The following ATF7IP variants were observed in gnomAD, a reference collection of about 807,000 sequenced individuals.
ATF7IP encodes the protein activating transcription factor 7 interacting protein.
ATF7IP carries 23 observed loss-of-function variants against 106.4 expected under a neutral mutation model. The ratio of observed to expected loss-of-function variants is 0.22; its 90% CI spans 0.16 to 0.31. ATF7IP has a LOEUF of 0.31. Among genes scored for constraint, ATF7IP ranks in the 10% least tolerant of loss-of-function variants. ATF7IP has a pLI of 1.00. For synonymous variants in ATF7IP, 542 were observed against 539.0 expected (o/e 1.01, Z -0.08); for missense variants, 1,334 against 1,524.3 (o/e 0.88, Z 2.08).
At chr12:14,496,425 T>A (rs2136880083) in intron 14 of ATF7IP, 82 bp downstream of exon 14, 1 of 891,332 alleles carries the variant, frequency 1.1e-6, no homozygotes, top group South Asian at 1.6e-5. Flanking sequence ...TTCTTTAAAA[T>A]GGTTATATCC....
chr12:14,392,224 C>CT (rs201384325), intron 1 of ATF7IP, among the ~76,000 whole-genome samples: 16,728 of 147,950 alleles, frequency 0.11, 1,202 homozygotes, highest in African/African-American at 0.22. Context: ...TAGCACAGAT[C>CT]TTTTTTTTTT....
chr12:14,389,677 G>A (rs1028571596), intron 1 of ATF7IP, among the ~76,000 whole-genome samples: 6 of 152,054 alleles, frequency 3.9e-5, no homozygotes, highest in Non-Finnish European at 7.4e-5. Context: ...GCCTAGGCTG[G>A]AGTGCAATGG....
chr12:14,414,001 C>T (rs1177263800), intron 1 of ATF7IP, among the ~76,000 whole-genome samples: 2 of 152,090 alleles, frequency 1.3e-5, no homozygotes, highest in Non-Finnish European at 2.9e-5. Flanking sequence ...AGCATCTGCC[C>T]TAACTTCTTC....
chr12:14,488,559 A>G (rs1944703265), intron 13 of ATF7IP, among the ~76,000 whole-genome samples: 2 of 152,134 alleles, frequency 1.3e-5, no homozygotes, highest in Non-Finnish European at 2.9e-5. Flanking sequence ...TCAAATGTTA[A>G]TCTCTTTTGG....
chr12:14,423,882 A>G lies in ATF7IP; in HGVS notation c.-7-27A>G, dbSNP rs779342731. 3.9e-6 allele frequency: 6 copies of G among 1,541,674 alleles called. No individual in the cohort carries two copies. The South Asian group carries it at 7.8e-5, about 20-fold the overall frequency. On this transcript the variant is annotated intron_variant, in intron 1 of 14. Transcript: ENST00000261168. Reference sequence around the variant, plus strand: ...TTAGGTGGCTTCTGTTTCAGTTATTAAACTCTCTTTCTCTTTTTTCTTAAA... The same window carrying G: ...TTAGGTGGCTTCTGTTTCAGTTATTGAACTCTCTTTCTCTTTTTTCTTAAA...
chr12:14,366,956 A>G (rs1266149137), intron 1 of ATF7IP, among the ~76,000 whole-genome samples: 2 of 152,198 alleles, frequency 1.3e-5, no homozygotes, highest in Non-Finnish European at 2.9e-5. Context: ...TAGGGAAGGT[A>G]ATTATAAATA....
chr12:14,383,015 T>G (rs1395497308), intron 1 of ATF7IP, among the ~76,000 whole-genome samples: 1 of 152,206 alleles, frequency 6.6e-6, no homozygotes, highest in African/African-American at 2.4e-5. Flanking sequence ...ACACTATTTA[T>G]CTGAATAACA....
chr12:14,427,418 A>G (rs1047667008), intron 2 of ATF7IP, among the ~76,000 whole-genome samples: 1 of 150,466 alleles, frequency 6.6e-6, no homozygotes, highest in Non-Finnish European at 1.5e-5. Context: ...GCTGGAGTGC[A>G]GTGGCACGAT....
At chr12:14,436,340 T>C in intron 4 of ATF7IP, 89 bp downstream of exon 4, 1 of 1,296,380 alleles carries the variant, frequency 7.7e-7, no homozygotes, top group Non-Finnish European at 1.1e-6. Flanking sequence ...TGTATTTTAT[T>C]GACATAATGT....
intron 1 of ATF7IP, among the ~76,000 whole-genome samples, chr12:14,409,737 A>G (rs760065178): frequency 3.9e-5 from 6 of 152,060 alleles, no homozygotes; most frequent in Non-Finnish European, 8.8e-5. Context: ...TTCACCACCA[A>G]TATAATCACA....
chr12:14,447,679 G>T (rs1300347038), intron 6 of ATF7IP, among the ~76,000 whole-genome samples: 3 of 151,996 alleles, frequency 2.0e-5, no homozygotes, highest in Admixed American at 2.0e-4. Context: ...TTGCATTCTT[G>T]TCAGATTCCC....
Position 14,476,132 on chromosome 12 carries a change from G to GGT in ATF7IP, c.2941+166_2941+167dup, listed in dbSNP as rs1172144269. The GGT allele has an allele frequency of 5.1e-6, 3 of 586,904 alleles. No homozygotes were observed. In the African/African-American group the frequency reaches 5.8e-5, roughly 11 times the overall value. The allele number at this position is 586,904 out of a possible 1,614,324, so 36.4% of individuals were successfully genotyped here. On this transcript the variant is annotated intron_variant, in intron 11 of 14. Transcript: ENST00000261168. Reference sequence around the variant, plus strand: ...AGATTAGAATTTTAAAATTTGGCCAGGTGCAGTGTCTCACACCTGTAATCC... The same window carrying GGT: ...AGATTAGAATTTTAAAATTTGGCCAGGTGTGCAGTGTCTCACACCTGTAATCC...
chr12:14,409,465 G>A (rs1271475264), intron 1 of ATF7IP, among the ~76,000 whole-genome samples: 1 of 152,128 alleles, frequency 6.6e-6, no homozygotes, highest in African/African-American at 2.4e-5. Flanking sequence ...GTAAAAGATA[G>A]TTAATTGAAT....
At position 14,419,056 on chromosome 12, in the gene ATF7IP, A is replaced by G. The variant is rs183240382; in HGVS notation, c.-7-4853A>G. 187 of 152,272 alleles carry G rather than the reference A, an allele frequency of 1.2e-3. 2 individuals carry two copies. The highest frequency in any genetic ancestry group is 4.3e-3 in the African/African-American group (179 of 41,568). The allele number at this position is 152,272 out of a possible 1,614,324, so 9.4% of individuals were successfully genotyped here. A position where few individuals can be genotyped will look rare whatever the true frequency, so the allele number is the denominator to read the frequency against. ...TATTTAGTTTATTCCTAAAAACGTT[A>G]TCCTGAATATATAGATGGTGATGGT... On this transcript the variant is annotated intron_variant, in intron 1 of 14. Transcript: ENST00000261168.
At chr12:14,420,018 T>G (rs991036574) in intron 1 of ATF7IP, 2 of 152,174 alleles carry the variant, frequency 1.3e-5, no homozygotes, top group Non-Finnish European at 2.9e-5. Flanking sequence ...AGGCTTATTA[T>G]TTTATGCGCT....
chr12:14,385,241 CTGTG>C lies in ATF7IP; in HGVS notation c.-8+19417_-8+19420del. On this transcript the variant is annotated intron_variant, in intron 1 of 14. Coordinates refer to ENST00000261168, the MANE Select transcript of ATF7IP (RefSeq NM_018179.5). ...TGTTTGTTACATAGCTGAGTTTTCA[CTGTG>C]TGAGTTCTTGAGTGCACATTGCAGC... 1.0e-5 allele frequency: 6 copies of C among 600,610 alleles called. No individual in the cohort carries two copies. The South Asian group carries it at 1.7e-4, about 17-fold the overall frequency. The allele number at this position is 600,610 out of a possible 1,614,324, so 37.2% of individuals were successfully genotyped here. A position where few individuals can be genotyped will look rare whatever the true frequency, so the allele number is the denominator to read the frequency against.
At chr12:14,402,631 CAA>C (rs1234268233) in intron 1 of ATF7IP, among the ~76,000 whole-genome samples, 1 of 131,202 alleles carries the variant, frequency 7.6e-6, no homozygotes, top group Non-Finnish European at 1.6e-5. Context: ...TTTTTTGAGA[CAA>C]AGTCTCCCTC....
intron 1 of ATF7IP, among the ~76,000 whole-genome samples, chr12:14,414,936 T>A (rs1180207048): frequency 6.6e-6 from 1 of 152,094 alleles, no homozygotes; most frequent in Non-Finnish European, 1.5e-5. Context: ...CTGCTGGTTA[T>A]TTATTTATTT....
intron 13 of ATF7IP, chr12:14,481,676 A>G: frequency 4.7e-6 from 2 of 428,240 alleles, no homozygotes; most frequent in South Asian, 3.4e-5. Context: ...TCTTTAATTT[A>G]ACTTTATTTA....
Sources: allele counts gnomAD v4.1 joint callset (sites outside exome capture counted in the v4.1 genomes callset), GRCh38; gene constraint gnomAD v4.1.1; transcripts MANE v1.5; gene names NCBI Gene and HGNC (gene_info 2026-07-23, HGNC 2026-07-21).